NXN: variants seen among roughly 807,000 people sequenced by gnomAD.
NXN encodes the protein nucleoredoxin.
NXN carries 16 observed loss-of-function variants against 48.6 expected under a neutral mutation model. The ratio of observed to expected loss-of-function variants is 0.33; its 90% CI spans 0.22 to 0.50. The LOEUF is 0.50. NXN is among the 20% of genes least tolerant of loss of function. The pLI is 0.98. For synonymous variants in NXN, 281 were observed against 269.6 expected (o/e 1.04, Z -0.41); for missense variants, 492 against 605.5 (o/e 0.81, Z 1.97).
At chr17:976,667 T>C (rs1286943391) in intron 1 of NXN, among the ~76,000 whole-genome samples, 1 of 152,138 alleles carries the variant, frequency 6.6e-6, no homozygotes, top group Non-Finnish European at 1.5e-5. Flanking sequence ...CATCATTAGC[T>C]CACGGGCTTC....
At chr17:835,475 T>G (rs1913762498) in intron 1 of NXN, among the ~76,000 whole-genome samples, 1 of 151,910 alleles carries the variant, frequency 6.6e-6, no homozygotes, top group Admixed American at 6.6e-5. Context: ...GATGACAAAG[T>G]GGGTTATCCA....
intron 5 of NXN, among the ~76,000 whole-genome samples, chr17:817,530 C>T (rs544461675): frequency 1.3e-4 from 20 of 151,944 alleles, no homozygotes; most frequent in Non-Finnish European, 2.2e-4. Context: ...TTTAGCCGGG[C>T]GTGTGGTGGG....
Position 812,046 on chromosome 17 carries a change from G to A in NXN, c.821-6799C>T, listed in dbSNP as rs578214151. Among the ~76,000 whole-genome samples, 3 of 146,398 alleles carry A rather than the reference G, an allele frequency of 2.0e-5. No individual in the cohort carries two copies. In the South Asian group the frequency reaches 6.6e-4, roughly 32 times the overall value. Reference sequence around the variant, plus strand: ...GGGTTCACGCCATTCTCCTGCCTCAGCCTCCCGAGTAGCTGGGACTACAGG... The same window carrying A: ...GGGTTCACGCCATTCTCCTGCCTCAACCTCCCGAGTAGCTGGGACTACAGG... On this transcript the variant is annotated intron_variant, in intron 5 of 7. Coordinates refer to ENST00000336868, the MANE Select transcript of NXN (RefSeq NM_022463.5).
chr17:820,207 T>C (rs1419359527), intron 4 of NXN, among the ~76,000 whole-genome samples: 1 of 152,250 alleles, frequency 6.6e-6, no homozygotes, highest in Non-Finnish European at 1.5e-5. Flanking sequence ...TTGTCTGTGA[T>C]GATGGTGGTA....
intron 1 of NXN, among the ~76,000 whole-genome samples, chr17:883,114 G>A (rs490936): frequency 7.0e-4 from 107 of 152,150 alleles, no homozygotes; most frequent in Admixed American, 1.4e-3. Context: ...TAGCTACTTG[G>A]GGAAGGCTAC....
intron 1 of NXN, among the ~76,000 whole-genome samples, chr17:841,326 C>A (rs1396513754): frequency 6.6e-6 from 1 of 152,176 alleles, no homozygotes; most frequent in Non-Finnish European, 1.5e-5. Flanking sequence ...GTGATGAGAC[C>A]ATCCTGGTGC....
In NXN at chr17:956,437, G is replaced by A. The variant is rs1029993841; in HGVS notation, c.360+22882C>T. The stretch of plus-strand genomic sequence containing the variant: ...ATTTTTATTTATTTATTTTGAGACA[G>A]AGATTCTCTCTTGTCACCCAGGCTG... On this transcript the variant is annotated intron_variant, in intron 1 of 7. Coordinates refer to ENST00000336868, the MANE Select transcript of NXN (RefSeq NM_022463.5). This position sits in a 1 kb window ranked among gnomAD's most constrained non-coding sequence, Gnocchi z 4.1. 2.0e-5 allele frequency among the ~76,000 whole-genome samples: 3 copies of A among 152,068 alleles called. No individual in the cohort carries two copies. Among genetic ancestry groups the A allele is most frequent in the African/African-American group, 7.2e-5 (3 of 41,396 alleles).
At chr17:945,490 G>A (rs1372154665) in intron 1 of NXN, among the ~76,000 whole-genome samples, 1 of 151,454 alleles carries the variant, frequency 6.6e-6, no homozygotes, top group African/African-American at 2.4e-5. Flanking sequence ...AATTAGCCGG[G>A]CGTGGTGGCG....
chr17:914,959 A>T (rs550222152), intron 1 of NXN, among the ~76,000 whole-genome samples: 2 of 151,312 alleles, frequency 1.3e-5, no homozygotes, highest in Admixed American at 6.6e-5. Flanking sequence ...TTTTTTTTTT[A>T]GACAAAGTCT....
At position 849,168 on chromosome 17, in the gene NXN, G is replaced by C. The variant is rs192991667; in HGVS notation, c.361-23090C>G. Among the ~76,000 whole-genome samples the C allele has an allele frequency of 1.3e-5, 2 of 151,656 alleles. No homozygotes were observed. Among genetic ancestry groups the C allele is most frequent in the African/African-American group, 4.8e-5 (2 of 41,344 alleles). Reference sequence around the variant, plus strand: ...GCAGGCAATCATGGTGGGTGTGCACGCTTGATCTAAGACCAATCACGCTCT... The same window carrying C: ...GCAGGCAATCATGGTGGGTGTGCACCCTTGATCTAAGACCAATCACGCTCT... On this transcript the variant is annotated intron_variant, in intron 1 of 7. Transcript: ENST00000336868. This position sits in a 1 kb window ranked among gnomAD's most constrained non-coding sequence, Gnocchi z 4.2.
intron 1 of NXN, among the ~76,000 whole-genome samples, chr17:924,734 G>A (rs149110989): frequency 2.5e-5 from 3 of 120,808 alleles, no homozygotes; most frequent in Non-Finnish European, 3.6e-5. Flanking sequence ...GTTCCGTTCC[G>A]TTCCCCTGCT....
At chr17:888,910 G>A (rs970858953) in intron 1 of NXN, among the ~76,000 whole-genome samples, 1 of 145,268 alleles carries the variant, frequency 6.9e-6, no homozygotes, top group Admixed American at 7.1e-5. Flanking sequence ...AGCTGAGATC[G>A]CACCACTGCA....
chr17:889,403 T>G (rs1186450030), intron 1 of NXN, among the ~76,000 whole-genome samples: 1 of 152,146 alleles, frequency 6.6e-6, no homozygotes. Context: ...GAATGAGAAA[T>G]GCAGAGAGAT....
At chr17:872,258 C>A (rs2068163057) in intron 1 of NXN, among the ~76,000 whole-genome samples, 1 of 148,874 alleles carries the variant, frequency 6.7e-6, no homozygotes, top group African/African-American at 2.5e-5. Context: ...GAGGGAGGAA[C>A]ACATCAAAGA....
chr17:966,073 A>C (rs898977334), intron 1 of NXN, among the ~76,000 whole-genome samples: 7 of 151,566 alleles, frequency 4.6e-5, no homozygotes, highest in Non-Finnish European at 8.8e-5. Context: ...CTGAGATGGC[A>C]CCACTGCACT....
intron 2 of NXN, among the ~76,000 whole-genome samples, chr17:824,264 GC>G (rs5818769): frequency 0.5 from 76,259 of 151,600 alleles, 20,002 homozygotes; most frequent in African/African-American, 0.65. Flanking sequence ...AGCCAGGATG[GC>G]CTCGATCTCC....
rs2069199711 is a variant in NXN, at chr17:958,680, A to G, written c.360+20639T>C. On this transcript the variant is annotated intron_variant, in intron 1 of 7. Coordinates refer to ENST00000336868, the MANE Select transcript of NXN (RefSeq NM_022463.5). This position sits in a 1 kb window ranked among gnomAD's most constrained non-coding sequence, Gnocchi z 6.9. ...CAGCTACTCAGGAGGCTGAGGCAGG[A>G]GAATCACCGAGGCGGAGGTAGAAGT... Among the ~76,000 whole-genome samples, 1 of 152,144 alleles carries G rather than the reference A, an allele frequency of 6.6e-6. No homozygotes were observed. Among genetic ancestry groups the G allele is most frequent in the Non-Finnish European group, 1.5e-5 (1 of 68,042 alleles).
At position 807,063 on chromosome 17, in the gene NXN, A is replaced by C. The variant is rs550063088; in HGVS notation, c.821-1816T>G. Among the ~76,000 whole-genome samples the C allele has an allele frequency of 5.0e-3, 765 of 152,312 alleles. 5 individuals carry two copies. Among genetic ancestry groups the C allele is most frequent in the African/African-American group, 0.017 (709 of 41,570 alleles). On this transcript the variant is annotated intron_variant, in intron 5 of 7. Coordinates refer to ENST00000336868, the MANE Select transcript of NXN (RefSeq NM_022463.5). ...CCGCACAAGAAACCTGGGCATTTCC[A>C]GCCACATCCTCAGGCTGCATTTTAT... is the stretch of plus-strand genomic sequence containing the variant.
At chr17:824,829 AG>A (rs1913008600) in intron 2 of NXN, among the ~76,000 whole-genome samples, 1 of 152,186 alleles carries the variant, frequency 6.6e-6, no homozygotes, top group African/African-American at 2.4e-5. Context: ...GCTGCCTCAA[AG>A]TCGCTTGGGG....
Sources: allele counts gnomAD v4.1 joint callset (sites outside exome capture counted in the v4.1 genomes callset), GRCh38; gene constraint gnomAD v4.1.1; non-coding constraint Gnocchi (gnomAD v3.1); transcripts MANE v1.5; gene names NCBI Gene and HGNC (gene_info 2026-07-23, HGNC 2026-07-21).